TRARG1: variants seen among roughly 807,000 people sequenced by gnomAD.
TRARG1 encodes trafficking regulator of GLUT4 1.
In TRARG1, 16 loss-of-function variants were observed where a neutral mutation model predicts 13.3. The observed-to-expected ratio is 1.20, with a 90% CI of 0.81 to 1.83. TRARG1 has a LOEUF of 1.83. Among genes scored for constraint, TRARG1 ranks in the 40% most tolerant of loss-of-function variants. TRARG1 has a pLI of 0.00. For synonymous variants in TRARG1, 113 were observed against 106.2 expected (o/e 1.06, Z -0.39); for missense variants, 250 against 237.4 (o/e 1.05, Z -0.35).
chr17:1,282,044 A>G lies in TRARG1; in HGVS notation c.387+1656A>G, dbSNP rs1034166006. ...TACATATGTACATATATACACACATATGTACACATATGTACATGTATACAC... is the reference window on the plus strand; with the variant it reads ...TACATATGTACATATATACACACATGTGTACACATATGTACATGTATACAC... On this transcript the variant is annotated intron_variant, in intron 1 of 2. Coordinates refer to ENST00000333813, the MANE Select transcript of TRARG1 (RefSeq NM_172367.3). Among the ~76,000 whole-genome samples the G allele has an allele frequency of 3.6e-5, 5 of 137,670 alleles. No homozygotes were observed. The Admixed American group carries it at 3.8e-4, about 11-fold the overall frequency. The allele number at this position is 137,670 out of a possible 152,430, so 90.3% of individuals were successfully genotyped here. A position where few individuals can be genotyped will look rare whatever the true frequency, so the allele number is the denominator to read the frequency against.
intron 1 of TRARG1, among the ~76,000 whole-genome samples, chr17:1,294,468 C>CGTTTTT (rs2072096241): frequency 8.8e-6 from 1 of 113,446 alleles, no homozygotes; most frequent in Non-Finnish European, 1.7e-5. Context: ...AAGACAGTGT[C>CGTTTTT]TTTTTTTTTT....
At chr17:1,285,984 G>A (rs2072016949) in intron 1 of TRARG1, among the ~76,000 whole-genome samples, 1 of 152,160 alleles carries the variant, frequency 6.6e-6, no homozygotes, top group South Asian at 2.1e-4. Flanking sequence ...CCACTGCCTT[G>A]GCCACGCATA....
intron 1 of TRARG1, among the ~76,000 whole-genome samples, chr17:1,286,193 C>T (rs1037689867): frequency 3.9e-5 from 6 of 152,338 alleles, no homozygotes; most frequent in Non-Finnish European, 5.9e-5. Context: ...TCACGCTGCA[C>T]GGCCACCAGG....
intron 1 of TRARG1, among the ~76,000 whole-genome samples, chr17:1,287,644 AGCCACTGC>A (rs2072033843): frequency 6.9e-6 from 1 of 145,980 alleles, no homozygotes; most frequent in African/African-American, 2.6e-5. Context: ...TACAGGTGTG[AGCCACTGC>A]GTCTGGCCTG....
At chr17:1,282,062 G>GTATACACACA (rs1555630772) in intron 1 of TRARG1, among the ~76,000 whole-genome samples, 9 of 145,378 alleles carry the variant, frequency 6.2e-5, no homozygotes, top group East Asian at 2.0e-4. Flanking sequence ...ATATGTACAT[G>GTATACACACA]TATACACATA....
intron 1 of TRARG1, among the ~76,000 whole-genome samples, chr17:1,288,599 A>G (rs1330772763): frequency 8.7e-5 from 2 of 23,004 alleles, no homozygotes; most frequent in Non-Finnish European, 7.4e-5. Context: ...GTCCCCCTCC[A>G]GCTTCTCATC....
At chr17:1,286,458 GGCCTGTGGGGTGATGTTATCA>G (rs1229795391) in intron 1 of TRARG1, among the ~76,000 whole-genome samples, 11 of 131,394 alleles carry the variant, frequency 8.4e-5, no homozygotes, top group Non-Finnish European at 1.1e-4. Flanking sequence ...AGTTGTTATC[GGCCTGTGGGGTGATGTTATCA>G]GCCTGTGGGG....
In TRARG1 at chr17:1,284,504, G is replaced by A. The variant is rs151313059; in HGVS notation, c.387+4116G>A. 9.9e-5 allele frequency among the ~76,000 whole-genome samples: 15 copies of A among 152,266 alleles called. No homozygotes were observed. In the East Asian group the frequency reaches 1.4e-3, roughly 14 times the overall value. ...CCTCGTAGGAATGCAGGCAAGAGGC[G>A]AAGAGGCCAGGACCAGGGCCAGGGA... On this transcript the variant is annotated intron_variant, in intron 1 of 2. Transcript: ENST00000333813.
Position 1,291,352 on chromosome 17 carries a change from C to T in TRARG1, c.388-4139C>T, listed in dbSNP as rs754118085. 7.0e-4 allele frequency among the ~76,000 whole-genome samples: 106 copies of T among 152,112 alleles called. 1 individual carries two copies. The highest frequency in any genetic ancestry group is 1.5e-4 in the Non-Finnish European group (10 of 68,022). ...TCTTAAACTCCCGACTTCAGGTGAT[C>T]CACCTGCCTCGGCCTCCCAAACTGC... On this transcript the variant is annotated intron_variant, in intron 1 of 2. Transcript: ENST00000333813.
intron 1 of TRARG1, among the ~76,000 whole-genome samples, chr17:1,294,321 G>T (rs2072095247): frequency 6.6e-6 from 1 of 152,018 alleles, no homozygotes; most frequent in Non-Finnish European, 1.5e-5. Context: ...ATAAAACAAG[G>T]CCCCCGTGAA....
chr17:1,295,394 C>T, intron 1 of TRARG1, 97 bp from the exon 2 acceptor site: 2 of 1,453,550 alleles, frequency 1.4e-6, no homozygotes, highest in Admixed American at 2.3e-5. Context: ...TGTCTGGAGG[C>T]CCAGGCTCAG....
At chr17:1,289,752 C>T (rs1036978027) in intron 1 of TRARG1, among the ~76,000 whole-genome samples, 2 of 151,970 alleles carry the variant, frequency 1.3e-5, no homozygotes, top group African/African-American at 2.4e-5. Flanking sequence ...ATTGCATCCC[C>T]GTGTGACGAC....
intron 1 of TRARG1, among the ~76,000 whole-genome samples, chr17:1,292,885 C>T (rs1321812514): frequency 6.6e-6 from 1 of 152,204 alleles, no homozygotes; most frequent in African/African-American, 2.4e-5. Flanking sequence ...CTCCTCCGCG[C>T]TGCTGCGTCC....
chr17:1,282,240 A>ACG (rs1379736565), intron 1 of TRARG1, among the ~76,000 whole-genome samples: 2 of 136,270 alleles, frequency 1.5e-5, no homozygotes, highest in African/African-American at 6.1e-5. Flanking sequence ...ATGTACGTAT[A>ACG]TGCACGTATA....
chr17:1,282,062 GTATACACATATA>G, intron 1 of TRARG1, among the ~76,000 whole-genome samples: 1 of 145,378 alleles, frequency 6.9e-6, no homozygotes, highest in African/African-American at 2.7e-5. Context: ...ATATGTACAT[GTATACACATATA>G]TACATATATG....
rs773995458 is a variant in TRARG1 at position 1,280,233 on chromosome 17, C to A, written c.232C>A (p.Pro78Thr). ...GHLEAPLPRS[P>T]SRASSRRASS... The stretch of plus-strand genomic sequence containing the variant: ...CCTGGAGGCCCCACTGCCTCGGTCC[C>A]CCTCCCGGGCCAGCTCAAGGAGGGC... The change falls in exon 1 of 3, where the codon CCC becomes ACC. Residue 78 changes from proline to threonine, a missense_variant. Physicochemically the swap from Pro to Thr is conservative, Grantham distance 38. Coordinates refer to ENST00000333813, the MANE Select transcript of TRARG1 (RefSeq NM_172367.3). 2 of 1,614,070 alleles carry A rather than the reference C, an allele frequency of 1.2e-6. No individual in the cohort carries two copies. Among genetic ancestry groups the A allele is most frequent in the Non-Finnish European group, 1.7e-6 (2 of 1,179,988 alleles).
At chr17:1,285,650 G>A (rs942127855) in intron 1 of TRARG1, among the ~76,000 whole-genome samples, 1 of 152,040 alleles carries the variant, frequency 6.6e-6, no homozygotes, top group Admixed American at 6.6e-5. Flanking sequence ...GGCAGAGGCG[G>A]AGGTTATAGT....
chr17:1,285,433 T>G (rs11655067), intron 1 of TRARG1, among the ~76,000 whole-genome samples: 1,661 of 150,292 alleles, frequency 0.011, 28 homozygotes, highest in African/African-American at 0.038. Flanking sequence ...AGGGCTGGGC[T>G]CAGTGGCTCA....
At chr17:1,293,746 C>T (rs1210770028) in intron 1 of TRARG1, among the ~76,000 whole-genome samples, 3 of 152,064 alleles carry the variant, frequency 2.0e-5, no homozygotes, top group South Asian at 2.1e-4. Context: ...CACGCTGTCC[C>T]AGACGGAGCT....
Sources: allele counts gnomAD v4.1 joint callset (sites outside exome capture counted in the v4.1 genomes callset), GRCh38; gene constraint gnomAD v4.1.1; transcripts MANE v1.5; gene names NCBI Gene and HGNC (gene_info 2026-07-23, HGNC 2026-07-21).